The following DNAH11 variants were observed in gnomAD, a reference collection of about 807,000 sequenced individuals.
The protein encoded by DNAH11 is dynein axonemal heavy chain 11.
Under a neutral mutation model 526.0 loss-of-function variants are expected in DNAH11, and 442 were observed. That is an observed-to-expected ratio of 0.84 (90% CI 0.78 to 0.91). DNAH11 has a LOEUF of 0.91. Among genes scored for constraint, DNAH11 ranks in the 40% least tolerant of loss-of-function variants. The pLI, the probability that DNAH11 is intolerant of heterozygous loss-of-function variation, is 0.00. For synonymous variants in DNAH11, 2,461 were observed against 1,935.9 expected (o/e 1.27, Z -7.12); for missense variants, 6,989 against 5,448.7 (o/e 1.28, Z -8.90).
At chr7:21,822,539 A>C (rs1031367116) in intron 65 of DNAH11, among the ~76,000 whole-genome samples, 1 of 152,160 alleles carries the variant, frequency 6.6e-6, no homozygotes, top group African/African-American at 2.4e-5. Context: ...ATTGTTGGAC[A>C]CTCAAAAGGG....
At chr7:21,687,557 C>A in intron 34 of DNAH11, 30 bp downstream of exon 34, 4 of 1,604,518 alleles carry the variant, frequency 2.5e-6, no homozygotes, top group Non-Finnish European at 3.4e-6. Context: ...TCTCTTGTTA[C>A]AAATAGAAAA....
At chr7:21,613,423 A>C (rs1433802772) in intron 20 of DNAH11, among the ~76,000 whole-genome samples, 1 of 152,242 alleles carries the variant, frequency 6.6e-6, no homozygotes, top group African/African-American at 2.4e-5. Flanking sequence ...TGGGGAACAA[A>C]CGCATATATC....
chr7:21,885,623 C>T (rs1784098816), intron 76 of DNAH11, among the ~76,000 whole-genome samples: 1 of 152,088 alleles, frequency 6.6e-6, no homozygotes, highest in South Asian at 2.1e-4. Context: ...TATGTTCCCA[C>T]CCCAAAGAAA....
chr7:21,669,871 C>A (rs59445113), intron 30 of DNAH11, among the ~76,000 whole-genome samples: 3 of 151,966 alleles, frequency 2.0e-5, no homozygotes, highest in Non-Finnish European at 4.4e-5. Flanking sequence ...TTTTCAGATT[C>A]TCTTGTTTCA....
chr7:21,547,271 A>C (rs1467661696), intron 2 of DNAH11, among the ~76,000 whole-genome samples: 1 of 152,224 alleles, frequency 6.6e-6, no homozygotes, highest in African/African-American at 2.4e-5. Flanking sequence ...ACAGCTCATG[A>C]CACAGACATT....
chr7:21,852,948 TC>T (rs1313747030), intron 67 of DNAH11, among the ~76,000 whole-genome samples: 1 of 152,208 alleles, frequency 6.6e-6, no homozygotes, highest in Non-Finnish European at 1.5e-5. Flanking sequence ...AGCCTTAGCA[TC>T]CGGCTCTTCC....
chr7:21,880,916 C>A (rs755145502), intron 75 of DNAH11, 23 bp downstream of exon 75: 1 of 1,574,566 alleles, frequency 6.4e-7, no homozygotes, highest in Admixed American at 2.1e-5. Context: ...GGTCAAATAA[C>A]CTCTTCCAAG....
chr7:21,545,089 G>C lies in DNAH11; in HGVS notation c.435G>C (p.Val145=), dbSNP rs1413297772. ...TTGGAGTAAATGACTTTTCTCAAGT[G>C]GTTTTATTTGGAGAGTTACCTGCGT... ...ESIGVNDFSQ[V]VLFGELPALS... The change falls in exon 2 of 82, where the codon GTG becomes GTC. Residue 145 remains valine (V), a synonymous_variant. Transcript: ENST00000409508. 1.2e-6 allele frequency: 2 copies of C among 1,609,068 alleles called. No individual in the cohort carries two copies. The highest frequency in any genetic ancestry group is 1.7e-6 in the Non-Finnish European group (2 of 1,177,362).
intron 55 of DNAH11, among the ~76,000 whole-genome samples, chr7:21,769,733 C>T (rs962542144): frequency 7.2e-5 from 11 of 152,114 alleles, no homozygotes; most frequent in Admixed American, 2.6e-4. Context: ...TATCTGCCTG[C>T]CTCTGCCTCC....
intron 63 of DNAH11, among the ~76,000 whole-genome samples, chr7:21,814,060 A>C (rs1470705362): frequency 6.6e-6 from 1 of 152,238 alleles, no homozygotes; most frequent in African/African-American, 2.4e-5. Flanking sequence ...ACAAACCTGC[A>C]CAGCATGTTA....
At chr7:21,655,521 C>A (rs1202536495) in intron 28 of DNAH11, among the ~76,000 whole-genome samples, 1 of 152,084 alleles carries the variant, frequency 6.6e-6, no homozygotes, top group Non-Finnish European at 1.5e-5. Context: ...CAGTAGGATG[C>A]CTGTCTACAG....
rs867796062 is a variant in DNAH11, at chr7:21,832,723, A to G, written c.10692-9821A>G. On this transcript the variant is annotated intron_variant, in intron 65 of 81. Coordinates refer to ENST00000409508, the MANE Select transcript of DNAH11 (RefSeq NM_001277115.2). ...TACACTAGCACCGTTAGCCAATGTGATCCTCTAGAGTGGCAGTGGACAAAT... is the reference window on the plus strand; with the variant it reads ...TACACTAGCACCGTTAGCCAATGTGGTCCTCTAGAGTGGCAGTGGACAAAT... 2.0e-5 allele frequency among the ~76,000 whole-genome samples: 3 copies of G among 152,294 alleles called. No individual in the cohort carries two copies. In the South Asian group the frequency reaches 6.2e-4, roughly 32 times the overall value.
intron 54 of DNAH11, among the ~76,000 whole-genome samples, chr7:21,751,694 G>A (rs550376803): frequency 2.0e-4 from 30 of 152,266 alleles, no homozygotes; most frequent in African/African-American, 7.2e-4. Context: ...TGGAGGTTAA[G>A]GAGCAGAGTC....
intron 36 of DNAH11, among the ~76,000 whole-genome samples, chr7:21,700,585 T>A (rs1258224548): frequency 1.3e-5 from 2 of 152,146 alleles, no homozygotes; most frequent in African/African-American, 2.4e-5. Flanking sequence ...GAAACACCAT[T>A]TGACCCAGCA....
intron 65 of DNAH11, among the ~76,000 whole-genome samples, chr7:21,827,625 A>G (rs1790362315): frequency 6.6e-6 from 1 of 151,534 alleles, no homozygotes; most frequent in Non-Finnish European, 1.5e-5. Context: ...ATTGGCTAAT[A>G]GAAATATTAA....
chr7:21,698,045 T>A, intron 35 of DNAH11, 30 bp from the exon 36 acceptor site: 5 of 1,585,492 alleles, frequency 3.2e-6, no homozygotes, highest in Non-Finnish European at 4.3e-6. Flanking sequence ...TTGTCACATT[T>A]TAAAACTAAA....
intron 81 of DNAH11, 111 bp from the exon 82 acceptor site, chr7:21,900,896 A>AAATATGACAAAACCAG: frequency 1.4e-6 from 2 of 1,475,250 alleles, no homozygotes; most frequent in Non-Finnish European, 1.8e-6. Flanking sequence ...TGACAAGCAA[A>AAATATGACAAAACCAG]AATATGACAA....
intron 44 of DNAH11, among the ~76,000 whole-genome samples, chr7:21,721,437 T>G (rs1784871444): frequency 6.6e-6 from 1 of 152,158 alleles, no homozygotes. Context: ...GTAGCTCAGA[T>G]CGCCATAACA....
chr7:21,723,817 T>C (rs1784974633), intron 44 of DNAH11, among the ~76,000 whole-genome samples: 1 of 151,512 alleles, frequency 6.6e-6, no homozygotes, highest in Admixed American at 6.6e-5. Context: ...AGGAACTTTG[T>C]ACATGCTGGA....
Sources: gnomAD v4.1 joint callset for allele counts (sites outside exome capture counted in the v4.1 genomes callset) on GRCh38, gnomAD v4.1.1 for gene constraint, MANE v1.5 for transcripts, NCBI Gene and HGNC (gene_info 2026-07-23, HGNC 2026-07-21) for gene names.